Variants in OPCML observed in about 807,000 individuals in gnomAD.
The protein encoded by OPCML is opioid binding protein/cell adhesion molecule like.
Under a neutral mutation model 37.8 loss-of-function variants are expected in OPCML, and 13 were observed. The ratio of observed to expected loss-of-function variants is 0.34; its 90% confidence interval spans 0.22 to 0.55. OPCML has a LOEUF of 0.55. Among genes scored for constraint, OPCML ranks in the 20% least tolerant of loss-of-function variants. The pLI is 0.91. For synonymous variants in OPCML, 176 were observed against 168.8 expected (o/e 1.04, Z -0.33); for missense variants, 341 against 435.6 (o/e 0.78, Z 1.93).
intron 1 of OPCML, among the ~76,000 whole-genome samples, chr11:133,460,165 C>T (rs1946826547): frequency 6.6e-6 from 1 of 151,510 alleles, no homozygotes; most frequent in African/African-American, 2.4e-5. Flanking sequence ...TTGAGAAAAA[C>T]AAAAATAAAT....
intron 3 of OPCML, among the ~76,000 whole-genome samples, chr11:132,606,189 T>C (rs1410658892): frequency 1.3e-5 from 2 of 152,236 alleles, no homozygotes; most frequent in Non-Finnish European, 2.9e-5. Flanking sequence ...TTTATTCATC[T>C]ACTTTTATGG....
At chr11:133,020,398 C>G (rs547874057) in intron 1 of OPCML, among the ~76,000 whole-genome samples, 1 of 152,328 alleles carries the variant, frequency 6.6e-6, no homozygotes, top group Admixed American at 6.5e-5. Context: ...TTCAACCCCT[C>G]TGAATATCTT....
At position 133,295,606 on chromosome 11, in the gene OPCML, T is replaced by C. The variant is rs184350337; in HGVS notation, c.61+236658A>G. On this transcript the variant is annotated intron_variant, in intron 1 of 7. Transcript: ENST00000524381. Reference sequence around the variant, plus strand: ...ATTATTTTTTTCAAGTAAAAGCAAGTTTATTAGAGAAGTAAGAATGGCCTA... The same window carrying C: ...ATTATTTTTTTCAAGTAAAAGCAAGCTTATTAGAGAAGTAAGAATGGCCTA... Among the ~76,000 whole-genome samples the C allele has an allele frequency of 9.1e-4, 139 of 152,254 alleles. 2 individuals carry two copies. In the South Asian group the frequency reaches 0.013, roughly 14 times the overall value.
chr11:133,497,580 A>C (rs1420201661), intron 1 of OPCML, among the ~76,000 whole-genome samples: 3 of 126,928 alleles, frequency 2.4e-5, no homozygotes, highest in Non-Finnish European at 1.5e-5. Flanking sequence ...ACAGTGTGAA[A>C]GTGAGATTTT....
chr11:132,498,600 T>A (rs1186147979), intron 4 of OPCML, among the ~76,000 whole-genome samples: 2 of 152,198 alleles, frequency 1.3e-5, no homozygotes, highest in Admixed American at 6.5e-5. Flanking sequence ...CTACGACCCC[T>A]CCACAGAGGA....
chr11:132,645,930 A>G (rs1214213255), intron 3 of OPCML, among the ~76,000 whole-genome samples: 2 of 152,210 alleles, frequency 1.3e-5, no homozygotes, highest in African/African-American at 4.8e-5. Context: ...TAGGATTTGG[A>G]TATCCAGGGA....
chr11:133,017,576 A>G (rs1271068245), intron 1 of OPCML, among the ~76,000 whole-genome samples: 3 of 152,006 alleles, frequency 2.0e-5, no homozygotes, highest in Non-Finnish European at 4.4e-5. Flanking sequence ...TTTAGTAGAG[A>G]CAGGGTTTCT....
intron 1 of OPCML, among the ~76,000 whole-genome samples, chr11:133,313,104 A>G (rs1592191845): frequency 1.3e-5 from 2 of 152,230 alleles, no homozygotes; most frequent in African/African-American, 2.4e-5. Flanking sequence ...CTGATAGTAC[A>G]TGATATACTT....
At chr11:132,865,316 T>C (rs1329086361) in intron 2 of OPCML, among the ~76,000 whole-genome samples, 1 of 152,226 alleles carries the variant, frequency 6.6e-6, no homozygotes, top group African/African-American at 2.4e-5. Context: ...AAAAGGAGTA[T>C]ATTTTTGAAA....
intron 1 of OPCML, among the ~76,000 whole-genome samples, chr11:133,351,178 G>T (rs1212286512): frequency 6.6e-6 from 1 of 152,160 alleles, no homozygotes; most frequent in African/African-American, 2.4e-5. Context: ...TCAAAATCTT[G>T]TCAATATCTA....
chr11:133,336,856 T>G (rs554304925), intron 1 of OPCML, among the ~76,000 whole-genome samples: 1 of 152,222 alleles, frequency 6.6e-6, no homozygotes, highest in Non-Finnish European at 1.5e-5. Flanking sequence ...TGGAAATATT[T>G]AACATTCTCC....
chr11:132,589,100 C>T (rs2096479614), intron 3 of OPCML, among the ~76,000 whole-genome samples: 1 of 152,118 alleles, frequency 6.6e-6, no homozygotes, highest in African/African-American at 2.4e-5. Context: ...ACATAACCTC[C>T]ATCAGTTATG....
Position 132,998,967 on chromosome 11 carries a change from T to C in OPCML, c.62-55957A>G, listed in dbSNP as rs535166956. On this transcript the variant is annotated intron_variant, in intron 1 of 7. Coordinates refer to ENST00000524381, the MANE Select transcript of OPCML (RefSeq NM_001012393.5). ...GAAACACACTAAGACAAACCTTAAC[T>C]ATATACACAGAAGACCTCTGAAGTC... 9.8e-5 allele frequency among the ~76,000 whole-genome samples: 15 copies of C among 152,310 alleles called. No individual in the cohort carries two copies. In the East Asian group the frequency reaches 2.9e-3, roughly 29 times the overall value.
chr11:133,014,191 T>G (rs905660613), intron 1 of OPCML, among the ~76,000 whole-genome samples: 6 of 152,166 alleles, frequency 3.9e-5, no homozygotes, highest in African/African-American at 1.4e-4. Flanking sequence ...TCTTGTTGCT[T>G]CTCTAAAAAC....
At chr11:133,470,449 C>T (rs1467470129) in intron 1 of OPCML, among the ~76,000 whole-genome samples, 1 of 152,208 alleles carries the variant, frequency 6.6e-6, no homozygotes, top group Non-Finnish European at 1.5e-5. Context: ...AGCCTCACAG[C>T]TCCCCCATCC....
chr11:132,651,443 C>G (rs1251307340), intron 3 of OPCML, among the ~76,000 whole-genome samples: 1 of 152,078 alleles, frequency 6.6e-6, no homozygotes, highest in Non-Finnish European at 1.5e-5. Flanking sequence ...CTTTTTTTCT[C>G]GTGAGAAAAG....
chr11:132,901,848 T>C (rs1296639661), intron 2 of OPCML, among the ~76,000 whole-genome samples: 4 of 152,232 alleles, frequency 2.6e-5, no homozygotes, highest in Non-Finnish European at 4.4e-5. Context: ...ACGTGACAGA[T>C]GTCTTCCTTA....
At chr11:132,980,382 G>A (rs781233803) in intron 1 of OPCML, among the ~76,000 whole-genome samples, 55 of 152,176 alleles carry the variant, frequency 3.6e-4, no homozygotes, top group Admixed American at 7.8e-4. Flanking sequence ...TATTATGAAA[G>A]TACTATATTA....
At chr11:133,007,738 C>T in intron 1 of OPCML, 1 of 985,406 alleles carries the variant, frequency 1.0e-6, no homozygotes, top group Non-Finnish European at 1.2e-6. Context: ...GACCCAGGCC[C>T]ACACAGAGTG....
Sources: gnomAD v4.1 joint callset for allele counts (sites outside exome capture counted in the v4.1 genomes callset) on GRCh38, gnomAD v4.1.1 for gene constraint, MANE v1.5 for transcripts, NCBI Gene and HGNC (gene_info 2026-07-23, HGNC 2026-07-21) for gene names.